KCNQ1: variants seen among roughly 807,000 people sequenced by gnomAD.
KCNQ1 encodes potassium voltage-gated channel subfamily KQT member 1.
In KCNQ1, 49 loss-of-function variants were observed where a neutral mutation model predicts 72.4. That is an observed-to-expected ratio of 0.68 (90% CI 0.54 to 0.86). The LOEUF (loss-of-function observed/expected upper bound fraction) is 0.86. Ranked by LOEUF, KCNQ1 falls within the 40% of genes least tolerant of loss-of-function variation. The probability of loss-of-function intolerance (pLI) is 0.00; values close to 1 mark genes in which losing one functional copy is unlikely to be tolerated. For synonymous variants in KCNQ1, 450 were observed against 412.6 expected (o/e 1.09, Z -1.10); for missense variants, 790 against 945.1 (o/e 0.84, Z 2.15).
At position 2,661,740 on chromosome 11, in the gene KCNQ1, C is replaced by T. The variant is rs751895611; in HGVS notation, c.1394-221C>T. 4 of 621,756 alleles carry T rather than the reference C, an allele frequency of 6.4e-6. No individual in the cohort carries two copies. The highest frequency in any genetic ancestry group is 2.6e-5 in the Admixed American group (1 of 38,980). The allele number at this position is 621,756 out of a possible 1,614,324, so 38.5% of individuals were successfully genotyped here. A position where few individuals can be genotyped will look rare whatever the true frequency, so the allele number is the denominator to read the frequency against. The stretch of plus-strand genomic sequence containing the variant: ...CAGTTACCACTCCGAAGATGATTCA[C>T]TGGCCTTTATTCTCCTCAGACACTG... On this transcript the variant is annotated intron_variant, in intron 10 of 15. Coordinates refer to ENST00000155840, the MANE Select transcript of KCNQ1 (RefSeq NM_000218.3). This position sits in a 1 kb window ranked among gnomAD's most constrained non-coding sequence, Gnocchi z 5.9.
chr11:2,599,514 T>C lies in KCNQ1; in HGVS notation c.1393+10660T>C, dbSNP rs912856986. On this transcript the variant is annotated intron_variant, in intron 10 of 15. Coordinates refer to ENST00000155840, the MANE Select transcript of KCNQ1 (RefSeq NM_000218.3). The surrounding 1 kb of genome is among the most constrained non-coding windows in gnomAD (Gnocchi z 4.7). ...GAACCTGTTTCTATGTACAGAACTT[T>C]TATTTCTATGTGTTAACTTTCCAGG... 3.0e-4 allele frequency among the ~76,000 whole-genome samples: 45 copies of C among 152,220 alleles called. No individual in the cohort carries two copies. Among genetic ancestry groups the C allele is most frequent in the African/African-American group, 1.1e-3 (44 of 41,458 alleles).
rs145080473 is a variant in KCNQ1, at chr11:2,498,934, G to A, written c.387-28994G>A. ...TGACGGGTTGATGGGTGCAGCAACT[G>A]CATGCAAACTGCATGTTTGCAGTTC... On this transcript the variant is annotated intron_variant, in intron 1 of 15. Coordinates refer to ENST00000155840, the MANE Select transcript of KCNQ1 (RefSeq NM_000218.3). This position sits in a 1 kb window ranked among gnomAD's most constrained non-coding sequence, Gnocchi z 4.8. Among the ~76,000 whole-genome samples the A allele has an allele frequency of 2.7e-4, 41 of 152,348 alleles. 1 individual carries two copies. The East Asian group carries it at 7.5e-3, about 28-fold the overall frequency.
intron 11 of KCNQ1, chr11:2,686,494 C>T (rs552075640): frequency 2.5e-5 from 10 of 398,716 alleles, no homozygotes; most frequent in African/African-American, 1.8e-4. Context: ...CCCACCCTCA[C>T]CCAGTGTTGA....
At chr11:2,694,115 TG>T (rs1359355324) in intron 11 of KCNQ1, 2 of 398,524 alleles carry the variant, frequency 5.0e-6, no homozygotes, top group African/African-American at 4.1e-5. Flanking sequence ...GTTGTGGGAC[TG>T]GAAGTGCTTG....
chr11:2,471,523 G>T lies in KCNQ1; in HGVS notation c.386+26039G>T, dbSNP rs1478607761. ...GGAGGATGCTGATGGCCCAGCTCTG[G>T]GTCCTAAGCATGGCAGTATCACAGC... On this transcript the variant is annotated intron_variant, in intron 1 of 15. Transcript: ENST00000155840. The surrounding 1 kb of genome is among the most constrained non-coding windows in gnomAD (Gnocchi z 4.8). Among the ~76,000 whole-genome samples the T allele has an allele frequency of 6.6e-6, 1 of 152,230 alleles. No individual in the cohort carries two copies. The highest frequency in any genetic ancestry group is 1.5e-5 in the Non-Finnish European group (1 of 68,052).
chr11:2,645,903 G>A lies in KCNQ1; in HGVS notation c.1394-16058G>A, dbSNP rs183956762. On this transcript the variant is annotated intron_variant, in intron 10 of 15. Coordinates refer to ENST00000155840, the MANE Select transcript of KCNQ1 (RefSeq NM_000218.3). This position sits in a 1 kb window ranked among gnomAD's most constrained non-coding sequence, Gnocchi z 5.8. ...TCTCCCTCTCTGGGAGCTGTTCATT[G>A]CCATTTCACAGTCTGTAGGTAGCCT... 83 of 398,624 alleles carry A rather than the reference G, an allele frequency of 2.1e-4. No individual in the cohort carries two copies. Among genetic ancestry groups the A allele is most frequent in the Admixed American group, 7.0e-4 (16 of 22,734 alleles). 24.7% of individuals were successfully genotyped at this position (398,624 alleles called of 1,614,324 possible).
rs1273146265 is a variant in KCNQ1 at position 2,516,741 on chromosome 11, G to A, written c.387-11187G>A. On this transcript the variant is annotated intron_variant, in intron 1 of 15. Transcript: ENST00000155840. The surrounding 1 kb of genome is among the most constrained non-coding windows in gnomAD (Gnocchi z 7.0). ...TATTAGGACACAGCCATGCCCGGCC[G>A]AATATTGCCACAGAGGCCACCTGCC... Among the ~76,000 whole-genome samples, 4 of 152,232 alleles carry A rather than the reference G, an allele frequency of 2.6e-5. No homozygotes were observed. The highest frequency in any genetic ancestry group is 4.8e-5 in the African/African-American group (2 of 41,540).
intron 2 of KCNQ1, among the ~76,000 whole-genome samples, chr11:2,533,576 C>A (rs1847677202): frequency 6.6e-6 from 1 of 152,256 alleles, no homozygotes; most frequent in Non-Finnish European, 1.5e-5. Flanking sequence ...GTGTGCGTGC[C>A]TGTGGGTAGC....
rs1293490288 is a variant in KCNQ1 at position 2,491,569 on chromosome 11, G to T, written c.387-36359G>T. On this transcript the variant is annotated intron_variant, in intron 1 of 15. Transcript: ENST00000155840. This position sits in a 1 kb window ranked among gnomAD's most constrained non-coding sequence, Gnocchi z 4.1. Reference sequence around the variant, plus strand: ...GACAGAATAAGAACGAATGAAGCATGATCTAGAAAATAGCCTCAAAAGGGC... The same window carrying T: ...GACAGAATAAGAACGAATGAAGCATTATCTAGAAAATAGCCTCAAAAGGGC... Among the ~76,000 whole-genome samples, 1 of 152,138 alleles carries T rather than the reference G, an allele frequency of 6.6e-6. No homozygotes were observed. Among genetic ancestry groups the T allele is most frequent in the African/African-American group, 2.4e-5 (1 of 41,424 alleles).
chr11:2,742,044 A>G (rs1846062552), intron 11 of KCNQ1, among the ~76,000 whole-genome samples: 1 of 152,238 alleles, frequency 6.6e-6, no homozygotes, highest in Non-Finnish European at 1.5e-5. Context: ...AACCTGTTGC[A>G]AGACACTCTG....
intron 11 of KCNQ1, among the ~76,000 whole-genome samples, chr11:2,714,240 G>A (rs2283201): frequency 6.6e-6 from 1 of 152,232 alleles, no homozygotes; most frequent in Non-Finnish European, 1.5e-5. Flanking sequence ...CTCATGGGGG[G>A]GTTGGGCCTC....
At chr11:2,584,540 T>TTA (rs1491584728) in intron 7 of KCNQ1, among the ~76,000 whole-genome samples, 4 of 118,136 alleles carry the variant, frequency 3.4e-5, no homozygotes, top group Admixed American at 1.8e-4. Context: ...TGTGTTAGTA[T>TTA]GTGTTTGTGT....
intron 6 of KCNQ1, among the ~76,000 whole-genome samples, chr11:2,575,473 C>G (rs1172931110): frequency 6.6e-6 from 1 of 152,206 alleles, no homozygotes; most frequent in African/African-American, 2.4e-5. Flanking sequence ...GTGTTCCTGG[C>G]ATTTCTCGGA....
chr11:2,578,571 G>A (rs1016091440), intron 6 of KCNQ1, among the ~76,000 whole-genome samples: 6 of 152,234 alleles, frequency 3.9e-5, no homozygotes, highest in East Asian at 1.9e-4. Context: ...CTGGGAGGGC[G>A]CCCTTGGCCC....
chr11:2,736,440 G>C (rs1483987093), intron 11 of KCNQ1, among the ~76,000 whole-genome samples: 1 of 152,162 alleles, frequency 6.6e-6, no homozygotes, highest in Non-Finnish European at 1.5e-5. Context: ...CAGTGGGCTT[G>C]GGAGAGCCTG....
In KCNQ1 at chr11:2,781,265, T is replaced by G. The variant is rs1846817913; in HGVS notation, c.1794+3228T>G. Among the ~76,000 whole-genome samples the G allele has an allele frequency of 6.6e-6, 1 of 152,170 alleles. No homozygotes were observed. Among genetic ancestry groups the G allele is most frequent in the East Asian group, 1.9e-4 (1 of 5,188 alleles). ...TGGGGAAACCGAGGCTCAGAGAGGC[T>G]GAGTGGTCGCCTGAGGTCACACAGC... On this transcript the variant is annotated intron_variant, in intron 15 of 15. Coordinates refer to ENST00000155840, the MANE Select transcript of KCNQ1 (RefSeq NM_000218.3). This position sits in a 1 kb window ranked among gnomAD's most constrained non-coding sequence, Gnocchi z 6.6.
chr11:2,680,306 G>GAATT (rs763707131), intron 11 of KCNQ1: 11 of 367,466 alleles, frequency 3.0e-5, no homozygotes, highest in Admixed American at 5.3e-5. Flanking sequence ...AACTGATGAA[G>GAATT]AATTGCCTTC....
In KCNQ1 at chr11:2,698,554, C is replaced by T. The variant is rs749745426; in HGVS notation, c.1514+36473C>T. 4.0e-5 allele frequency: 16 copies of T among 398,354 alleles called. No homozygotes were observed. The highest frequency in any genetic ancestry group is 6.2e-5 in the Non-Finnish European group (14 of 226,078). 24.7% of individuals were successfully genotyped at this position (398,354 alleles called of 1,614,324 possible). A position where few individuals can be genotyped will look rare whatever the true frequency, so the allele number is the denominator to read the frequency against. On this transcript the variant is annotated intron_variant, in intron 11 of 15. Transcript: ENST00000155840. The surrounding 1 kb of genome is among the most constrained non-coding windows in gnomAD (Gnocchi z 5.1). Reference sequence around the variant, plus strand: ...ACTCAGACTGCAACCTTTACTTCGCCCCCTAATTCCTGACTCAGAATCCCC... The same window carrying T: ...ACTCAGACTGCAACCTTTACTTCGCTCCCTAATTCCTGACTCAGAATCCCC...
rs12292841 is a variant in KCNQ1 at position 2,549,615 on chromosome 11, G to T, written c.478-21013G>T. Among the ~76,000 whole-genome samples, 35,008 of 148,176 alleles carry T rather than the reference G, an allele frequency of 0.24. 4,993 individuals are homozygous for T. The highest frequency in any genetic ancestry group is 0.39 in the African/African-American group (15,367 of 39,370). ...CTGGGACACTTCCAGTGACTGCTCT[G>T]CGAGGCCCGGGGTAGGGGCGTGGGG... On this transcript the variant is annotated intron_variant, in intron 2 of 15. Coordinates refer to ENST00000155840, the MANE Select transcript of KCNQ1 (RefSeq NM_000218.3). This position sits in a 1 kb window ranked among gnomAD's most constrained non-coding sequence, Gnocchi z 6.2.
Sources: gnomAD v4.1 joint callset for allele counts (sites outside exome capture counted in the v4.1 genomes callset) on GRCh38, gnomAD v4.1.1 for gene constraint, Gnocchi (gnomAD v3.1) non-coding constraint, MANE v1.5 for transcripts, NCBI Gene and HGNC (gene_info 2026-07-23, HGNC 2026-07-21) for gene names.